The following CNTNAP5 variants were observed in gnomAD, a reference collection of about 807,000 sequenced individuals.
CNTNAP5 encodes the protein contactin associated protein family member 5, also known as contactin-associated protein-like 5.
Under a neutral mutation model 150.2 loss-of-function variants are expected in CNTNAP5, and 72 were observed. The observed-to-expected ratio is 0.48, with a 90% CI of 0.40 to 0.58. CNTNAP5 has a LOEUF of 0.58. Ranked by LOEUF, CNTNAP5 falls within the 20% of genes least tolerant of loss-of-function variation. CNTNAP5 has a pLI of 0.00. For synonymous variants in CNTNAP5, 672 were observed against 619.8 expected, an observed-to-expected ratio of 1.08 and a Z score of -1.25; for missense variants, 1,636 against 1,626.2, an observed-to-expected ratio of 1.01 and a Z score of -0.10.
intron 12 of CNTNAP5, among the ~76,000 whole-genome samples, chr2:124,611,719 C>T (rs1677388810): frequency 6.6e-6 from 1 of 152,062 alleles, no homozygotes; most frequent in South Asian, 2.1e-4. Context: ...TTCCACTTTT[C>T]CAAAAAACAG....
At chr2:124,490,545 G>A (rs1237490121) in intron 7 of CNTNAP5, among the ~76,000 whole-genome samples, 2 of 152,000 alleles carry the variant, frequency 1.3e-5, no homozygotes, top group Non-Finnish European at 2.9e-5. Flanking sequence ...GAGTTCTTAT[G>A]TAAGAAGTAA....
intron 4 of CNTNAP5, among the ~76,000 whole-genome samples, chr2:124,427,571 C>T (rs1004228882): frequency 3.3e-5 from 5 of 151,996 alleles, no homozygotes; most frequent in Non-Finnish European, 7.4e-5. Context: ...ATTCTCCTGC[C>T]TCAGCCTCCC....
At chr2:124,029,031 A>T (rs1427775723) in intron 1 of CNTNAP5, among the ~76,000 whole-genome samples, 1 of 152,148 alleles carries the variant, frequency 6.6e-6, no homozygotes, top group African/African-American at 2.4e-5. Flanking sequence ...GTGCGATTAT[A>T]AAGAGCTTTA....
intron 13 of CNTNAP5, among the ~76,000 whole-genome samples, chr2:124,738,728 C>CAAAAA (rs35823681): frequency 1.5e-5 from 2 of 130,092 alleles, no homozygotes; most frequent in Admixed American, 7.9e-5. Context: ...GAGACTCCAT[C>CAAAAA]AAAAAAAAAA....
intron 10 of CNTNAP5, among the ~76,000 whole-genome samples, chr2:124,530,845 C>T (rs1380262718): frequency 6.6e-6 from 1 of 152,154 alleles, no homozygotes; most frequent in African/African-American, 2.4e-5. Flanking sequence ...TCTCTACACC[C>T]TAAGCCCCTG....
chr2:124,629,680 G>A (rs1249159840), intron 12 of CNTNAP5, among the ~76,000 whole-genome samples: 3 of 150,890 alleles, frequency 2.0e-5, no homozygotes, highest in Non-Finnish European at 4.4e-5. Flanking sequence ...ACAAACCCCA[G>A]AGCTAGCAGA....
At chr2:124,679,619 A>T (rs1679020221) in intron 13 of CNTNAP5, among the ~76,000 whole-genome samples, 1 of 150,750 alleles carries the variant, frequency 6.6e-6, no homozygotes, top group Non-Finnish European at 1.5e-5. Flanking sequence ...TCTGTCATTC[A>T]GGTTGGAGTG....
At position 124,426,146 on chromosome 2, in the gene CNTNAP5, G is replaced by T. The variant is rs72495086; in HGVS notation, c.530-8338G>T. On this transcript the variant is annotated intron_variant, in intron 4 of 23. Coordinates refer to ENST00000682447, the MANE Select transcript of CNTNAP5 (RefSeq NM_001367498.1). ...GGTTACGACTGGAATTCAGAGTTTT[G>T]ATTTTTTTTTGTACTATGATTGTTT... is the stretch of plus-strand genomic sequence containing the variant. Among the ~76,000 whole-genome samples the T allele has an allele frequency of 2.0e-4, 30 of 150,898 alleles. No individual in the cohort carries two copies. In the East Asian group the frequency reaches 5.6e-3, roughly 28 times the overall value.
intron 3 of CNTNAP5, among the ~76,000 whole-genome samples, chr2:124,267,474 G>C (rs898409336): frequency 2.6e-5 from 4 of 152,020 alleles, no homozygotes; most frequent in African/African-American, 9.7e-5. Context: ...GATTTCTTTG[G>C]GATATTGCAC....
chr2:124,390,800 C>T (rs1001403815), intron 3 of CNTNAP5, among the ~76,000 whole-genome samples: 20 of 152,212 alleles, frequency 1.3e-4, no homozygotes, highest in African/African-American at 4.6e-4. Flanking sequence ...ATAGGTGGTG[C>T]ATACACTGTG....
At chr2:124,052,667 C>T (rs1304679600) in intron 1 of CNTNAP5, among the ~76,000 whole-genome samples, 1 of 152,162 alleles carries the variant, frequency 6.6e-6, no homozygotes, top group Non-Finnish European at 1.5e-5. Flanking sequence ...CTGCATCTTC[C>T]CCCTGAGTTC....
intron 3 of CNTNAP5, among the ~76,000 whole-genome samples, chr2:124,302,104 G>A (rs1371850492): frequency 6.6e-6 from 1 of 152,146 alleles, no homozygotes; most frequent in Non-Finnish European, 1.5e-5. Context: ...ATGTAGTGAG[G>A]CTGCAACAGA....
chr2:124,349,094 A>G (rs1689809167), intron 3 of CNTNAP5, among the ~76,000 whole-genome samples: 1 of 152,194 alleles, frequency 6.6e-6, no homozygotes, highest in African/African-American at 2.4e-5. Flanking sequence ...GGCTTAAAAT[A>G]TAGTCATGTC....
intron 11 of CNTNAP5, among the ~76,000 whole-genome samples, chr2:124,600,769 A>AGAGAG (rs1558699440): frequency 2.4e-4 from 24 of 101,816 alleles, no homozygotes; most frequent in African/African-American, 4.0e-4. Context: ...GAGAGAGAGA[A>AGAGAG]AGAGAGAGAA....
At chr2:124,447,012 C>A in intron 6 of CNTNAP5, 75 bp downstream of exon 6, 1 of 1,430,482 alleles carries the variant, frequency 7.0e-7, no homozygotes, top group Non-Finnish European at 9.7e-7. Flanking sequence ...AGTGAGCAGA[C>A]CAACTGAGAG....
chr2:124,318,639 G>T (rs1019559942), intron 3 of CNTNAP5, among the ~76,000 whole-genome samples: 1 of 152,160 alleles, frequency 6.6e-6, no homozygotes, highest in East Asian at 1.9e-4. Flanking sequence ...TTCAGATCAT[G>T]TCTGAGAATA....
chr2:124,550,001 A>G (rs1695593955), intron 10 of CNTNAP5, among the ~76,000 whole-genome samples: 1 of 152,316 alleles, frequency 6.6e-6, no homozygotes, highest in Non-Finnish European at 1.5e-5. Context: ...ATAATACATG[A>G]CAGTGCAGTG....
intron 1 of CNTNAP5, among the ~76,000 whole-genome samples, chr2:124,037,593 A>G (rs1425844169): frequency 6.6e-6 from 1 of 152,216 alleles, no homozygotes; most frequent in East Asian, 1.9e-4. Context: ...AGAAAGACAA[A>G]TGCTACACAA....
chr2:124,731,117 G>A (rs1032195452), intron 13 of CNTNAP5, among the ~76,000 whole-genome samples: 1 of 152,030 alleles, frequency 6.6e-6, no homozygotes, highest in African/African-American at 2.4e-5. Flanking sequence ...GCCTTGCTCA[G>A]ACCTCTAATG....
Sources: gnomAD v4.1 joint callset for allele counts (sites outside exome capture counted in the v4.1 genomes callset) on GRCh38, gnomAD v4.1.1 for gene constraint, MANE v1.5 for transcripts, NCBI Gene and HGNC (gene_info 2026-07-23, HGNC 2026-07-21) for gene names.